HIVEP3: variants seen among roughly 807,000 people sequenced by gnomAD.
The protein encoded by HIVEP3 is transcription factor HIVEP3.
A neutral mutation model predicts 152.8 loss-of-function variants in HIVEP3; 49 were observed. The ratio of observed to expected loss-of-function variants is 0.32; its 90% CI spans 0.26 to 0.41. The LOEUF (loss-of-function observed/expected upper bound fraction) is 0.41, where lower values mean the gene tolerates loss of function less well. Ranked by LOEUF, HIVEP3 falls within the 10% of genes least tolerant of loss-of-function variation. The pLI, the probability that HIVEP3 is intolerant of heterozygous loss-of-function variation, is 1.00. For synonymous variants in HIVEP3, 1,269 were observed against 1,289.0 expected, an observed-to-expected ratio of 0.98 and a Z score of 0.33; for missense variants, 2,790 against 3,103.3, an observed-to-expected ratio of 0.90 and a Z score of 2.40.
intron 1 of HIVEP3, among the ~76,000 whole-genome samples, chr1:42,024,708 A>G (rs370956556): frequency 6.6e-6 from 1 of 152,232 alleles, no homozygotes; most frequent in Non-Finnish European, 1.5e-5. Flanking sequence ...AATTCCTTAT[A>G]GCATCTCAGC....
At chr1:41,853,990 A>C (rs148849037) in intron 1 of HIVEP3, among the ~76,000 whole-genome samples, 2,496 of 152,280 alleles carry the variant, frequency 0.016, 38 homozygotes, top group Non-Finnish European at 0.021. Flanking sequence ...TGGGGAAAGA[A>C]AGGCACCAGA....
intron 1 of HIVEP3, among the ~76,000 whole-genome samples, chr1:41,810,345 TC>T (rs1650879632): frequency 6.6e-6 from 1 of 152,270 alleles, no homozygotes; most frequent in African/African-American, 2.4e-5. Flanking sequence ...AAAGCAAAAC[TC>T]CACAAGCATC....
chr1:41,658,191 A>G (rs1255948083), intron 2 of HIVEP3, among the ~76,000 whole-genome samples: 3 of 152,240 alleles, frequency 2.0e-5, no homozygotes, highest in Non-Finnish European at 4.4e-5. Flanking sequence ...TCACAACTCA[A>G]AACCGCTGAG....
At chr1:41,521,433 G>A (rs1050935675) in intron 6 of HIVEP3, among the ~76,000 whole-genome samples, 6 of 152,244 alleles carry the variant, frequency 3.9e-5, no homozygotes, top group African/African-American at 9.6e-5. Context: ...AGTCAGGATC[G>A]GAGGTGACTT....
At chr1:41,665,525 G>A (rs1157789203) in intron 2 of HIVEP3, among the ~76,000 whole-genome samples, 1 of 151,656 alleles carries the variant, frequency 6.6e-6, no homozygotes, top group African/African-American at 2.4e-5. Flanking sequence ...AGACTGACAG[G>A]TAAACAGATA....
chr1:41,767,537 C>T (rs7556202), intron 1 of HIVEP3, among the ~76,000 whole-genome samples: 52,618 of 152,030 alleles, frequency 0.35, 9,335 homozygotes, highest in East Asian at 0.47. Context: ...TTCCAGGGTC[C>T]TTCTGCAGCC....
chr1:41,876,588 A>G (rs1411446221), intron 1 of HIVEP3, among the ~76,000 whole-genome samples: 4 of 152,090 alleles, frequency 2.6e-5, no homozygotes. Context: ...TATTATTGCT[A>G]TTGTTATTAT....
At chr1:41,871,522 A>G (rs1644079617) in intron 1 of HIVEP3, among the ~76,000 whole-genome samples, 1 of 152,224 alleles carries the variant, frequency 6.6e-6, no homozygotes, top group African/African-American at 2.4e-5. Flanking sequence ...GAAATTAATT[A>G]TACACAATTA....
intron 5 of HIVEP3, among the ~76,000 whole-genome samples, chr1:41,568,097 A>C (rs1401975510): frequency 6.6e-6 from 1 of 152,226 alleles, no homozygotes; most frequent in Non-Finnish European, 1.5e-5. Context: ...TATTCTCAGC[A>C]CTGGGGACAC....
At chr1:41,889,430 G>C (rs774067222) in intron 1 of HIVEP3, among the ~76,000 whole-genome samples, 24 of 152,040 alleles carry the variant, frequency 1.6e-4, no homozygotes, top group Non-Finnish European at 2.8e-4. Context: ...TTACCCAAAA[G>C]CCACTGCCAT....
At chr1:41,653,043 G>GA (rs34238311) in intron 2 of HIVEP3, among the ~76,000 whole-genome samples, 93,900 of 151,744 alleles carry the variant, frequency 0.62, 29,434 homozygotes, top group East Asian at 0.98. Flanking sequence ...AACAAAGTGG[G>GA]AAAAAATGTG....
chr1:41,510,722 C>T lies in HIVEP3; in HGVS notation c.6950G>A (p.Arg2317Gln), dbSNP rs753111004. The change falls in exon 9 of 9, where the codon CGG becomes CAG. Residue 2317 changes from arginine (R) to glutamine (Q), a missense_variant. Around this residue, in one of 9 missense-constraint regions of HIVEP3, gnomAD observed 816 missense variants for 806.5 expected, o/e 1.01. Coordinates refer to ENST00000372583, the MANE Select transcript of HIVEP3 (RefSeq NM_024503.5). ...CGCTGCCCGGCGTCCCTGGGGCGGC[C>T]GGGGCAAGGTGTCGGGTGGGGTGCA... The part of the protein sequence containing the change: ...SPCTPPDTLP[R>Q]PPQGRRAAQS... 19 of 1,539,604 alleles carry T rather than the reference C, an allele frequency of 1.2e-5. No homozygotes were observed. Among genetic ancestry groups the T allele is most frequent in the South Asian group, 8.5e-5 (7 of 82,698 alleles).
At chr1:42,023,028 T>G (rs1645563058) in intron 1 of HIVEP3, among the ~76,000 whole-genome samples, 1 of 152,224 alleles carries the variant, frequency 6.6e-6, no homozygotes, top group Admixed American at 6.5e-5. Context: ...CAGCTTTGAT[T>G]TATTTTTATT....
intron 6 of HIVEP3, among the ~76,000 whole-genome samples, chr1:41,521,865 G>T (rs528640497): frequency 1.3e-5 from 2 of 152,240 alleles, no homozygotes; most frequent in African/African-American, 4.8e-5. Context: ...CAAGGGCCTG[G>T]ACATGGCACA....
chr1:41,765,597 T>C (rs1013350736), intron 1 of HIVEP3, among the ~76,000 whole-genome samples: 2 of 152,162 alleles, frequency 1.3e-5, no homozygotes, highest in Non-Finnish European at 2.9e-5. Flanking sequence ...TGTATTTGAG[T>C]CTCAAATACT....
intron 3 of HIVEP3, among the ~76,000 whole-genome samples, chr1:41,597,494 A>C (rs1016067007): frequency 6.6e-6 from 1 of 152,108 alleles, no homozygotes; most frequent in Non-Finnish European, 1.5e-5. Context: ...ACGCAAATTC[A>C]CTCATTTATT....
intron 1 of HIVEP3, among the ~76,000 whole-genome samples, chr1:41,860,857 C>T (rs1256188606): frequency 1.3e-5 from 2 of 152,182 alleles, no homozygotes; most frequent in African/African-American, 4.8e-5. Context: ...TTCCTGTGGG[C>T]ACACCTTAAG....
chr1:41,931,503 G>A (rs1274218972), intron 1 of HIVEP3, among the ~76,000 whole-genome samples: 1 of 151,922 alleles, frequency 6.6e-6, no homozygotes, highest in Non-Finnish European at 1.5e-5. Context: ...TTATAACTTT[G>A]TAACAAGTCT....
At chr1:41,954,839 T>C (rs146533816) in intron 1 of HIVEP3, among the ~76,000 whole-genome samples, 129 of 152,360 alleles carry the variant, frequency 8.5e-4, no homozygotes, top group Middle Eastern at 6.8e-3. Flanking sequence ...TATCTATCTC[T>C]CAGCGTTGTG....
Sources: allele counts gnomAD v4.1 joint callset (sites outside exome capture counted in the v4.1 genomes callset), GRCh38; gene constraint gnomAD v4.1.1; regional missense constraint gnomAD v4.1.1; transcripts MANE v1.5; gene names NCBI Gene and HGNC (gene_info 2026-07-23, HGNC 2026-07-21).